Variants in WWOX observed in about 807,000 individuals in gnomAD.
WWOX encodes WW domain containing oxidoreductase.
WWOX carries 69 observed loss-of-function variants against 46.2 expected under a neutral mutation model. The ratio of observed to expected loss-of-function variants is 1.49; its 90% confidence interval spans 1.23 to 1.82. WWOX has a LOEUF of 1.82. Ranked by LOEUF, WWOX falls within the 40% of genes most tolerant of loss-of-function variation. The pLI is 0.00. For missense variants in WWOX, 919 were observed against 542.6 expected, an observed-to-expected ratio of 1.69 and a Z score of -6.89; for synonymous variants, 359 against 202.6, an observed-to-expected ratio of 1.77 and a Z score of -6.56.
chr16:79,175,789 T>C (rs541605071), intron 8 of WWOX, among the ~76,000 whole-genome samples: 1 of 152,180 alleles, frequency 6.6e-6, no homozygotes, highest in Non-Finnish European at 1.5e-5. Flanking sequence ...GCTCCAACTC[T>C]GTTTGGTCCC....
chr16:78,955,596 C>G (rs1488110719), intron 8 of WWOX, among the ~76,000 whole-genome samples: 2 of 151,910 alleles, frequency 1.3e-5, no homozygotes, highest in Non-Finnish European at 2.9e-5. Context: ...CCTCTTTTAA[C>G]TTTATTTTTT....
At chr16:78,214,692 C>A (rs961943457) in intron 5 of WWOX, among the ~76,000 whole-genome samples, 2 of 152,184 alleles carry the variant, frequency 1.3e-5, no homozygotes, top group African/African-American at 2.4e-5. Context: ...TCTTTGTAAC[C>A]TTAATGCCCA....
intron 5 of WWOX, among the ~76,000 whole-genome samples, chr16:78,197,086 T>G (rs1229255061): frequency 5.3e-5 from 8 of 152,202 alleles, no homozygotes; most frequent in African/African-American, 1.4e-4. Context: ...ACCAGACTCG[T>G]ATCAGCCACT....
intron 8 of WWOX, among the ~76,000 whole-genome samples, chr16:78,703,619 GTTTTTGTTTT>G (rs2048271731): frequency 6.6e-6 from 1 of 151,302 alleles, no homozygotes; most frequent in Non-Finnish European, 1.5e-5. Context: ...ATGCTGTTTT[GTTTTTGTTTT>G]TTTTTGTTTG....
At chr16:78,500,751 G>A (rs150193988) in intron 8 of WWOX, among the ~76,000 whole-genome samples, 5 of 152,142 alleles carry the variant, frequency 3.3e-5, no homozygotes, top group Non-Finnish European at 7.4e-5. Flanking sequence ...CATTTAATTC[G>A]AAAGCTTTTT....
chr16:78,961,301 T>C (rs1190713176), intron 8 of WWOX, among the ~76,000 whole-genome samples: 2 of 152,242 alleles, frequency 1.3e-5, no homozygotes, highest in African/African-American at 4.8e-5. Context: ...GATTATATAA[T>C]TGAACATGCC....
At chr16:78,728,627 C>G (rs540826094) in intron 8 of WWOX, among the ~76,000 whole-genome samples, 1 of 152,188 alleles carries the variant, frequency 6.6e-6, no homozygotes, top group African/African-American at 2.4e-5. Flanking sequence ...CCTCACAGAG[C>G]TTCTGGAAGG....
At chr16:78,457,776 C>T (rs948250669) in intron 8 of WWOX, among the ~76,000 whole-genome samples, 20 of 151,780 alleles carry the variant, frequency 1.3e-4, no homozygotes, top group Admixed American at 6.6e-4. Flanking sequence ...TATAGCTGGG[C>T]GTGGTGGCGG....
chr16:78,825,467 G>C (rs765736100), intron 8 of WWOX: 20 of 435,302 alleles, frequency 4.6e-5, no homozygotes, highest in African/African-American at 3.0e-4. Flanking sequence ...GGTGAGAACA[G>C]CCAGGGATTC....
At chr16:79,161,035 C>G (rs1272328604) in intron 8 of WWOX, among the ~76,000 whole-genome samples, 1 of 152,316 alleles carries the variant, frequency 6.6e-6, no homozygotes, top group Non-Finnish European at 1.5e-5. Context: ...ATTACTCTGA[C>G]TATGGCAACA....
chr16:79,112,304 C>G (rs1208975891), intron 8 of WWOX, among the ~76,000 whole-genome samples: 1 of 152,188 alleles, frequency 6.6e-6, no homozygotes, highest in East Asian at 1.9e-4. Context: ...ATGAGGCACT[C>G]AGATGTCAAG....
At chr16:78,452,549 C>T (rs772372859) in intron 8 of WWOX, among the ~76,000 whole-genome samples, 4 of 143,472 alleles carry the variant, frequency 2.8e-5, no homozygotes, top group Admixed American at 1.5e-4. Context: ...GATCTTGGCT[C>T]ATTGCAACCT....
chr16:78,299,419 G>T (rs1175040754), intron 5 of WWOX, among the ~76,000 whole-genome samples: 1 of 151,998 alleles, frequency 6.6e-6, no homozygotes, highest in Non-Finnish European at 1.5e-5. Flanking sequence ...GAGCCCAAAA[G>T]TACAAATCAA....
intron 8 of WWOX, among the ~76,000 whole-genome samples, chr16:78,664,900 C>G (rs1010393299): frequency 2.6e-5 from 4 of 152,200 alleles, no homozygotes; most frequent in Non-Finnish European, 4.4e-5. Flanking sequence ...TAGGCACTTA[C>G]AATGTGACTG....
intron 8 of WWOX, among the ~76,000 whole-genome samples, chr16:78,583,475 C>T (rs924902499): frequency 1.3e-5 from 2 of 152,172 alleles, no homozygotes; most frequent in Non-Finnish European, 2.9e-5. Context: ...AATTCTTTTT[C>T]TCTTTTCTCT....
At chr16:78,156,839 G>A (rs752522529) in intron 4 of WWOX, among the ~76,000 whole-genome samples, 4 of 152,164 alleles carry the variant, frequency 2.6e-5, no homozygotes, top group Admixed American at 1.3e-4. Flanking sequence ...CACGAGAATC[G>A]CTTGAATCCC....
At chr16:79,006,203 G>A (rs1343077372) in intron 8 of WWOX, among the ~76,000 whole-genome samples, 3 of 152,212 alleles carry the variant, frequency 2.0e-5, no homozygotes, top group Non-Finnish European at 4.4e-5. Flanking sequence ...CCTGCGGCAG[G>A]AAAGACTTCC....
intron 8 of WWOX, among the ~76,000 whole-genome samples, chr16:78,893,744 C>G (rs1175354685): frequency 6.6e-6 from 1 of 152,180 alleles, no homozygotes. Flanking sequence ...CAGAAAATGT[C>G]TGTCATACAT....
At chr16:78,621,838 C>G (rs1365025515) in intron 8 of WWOX, among the ~76,000 whole-genome samples, 2 of 151,970 alleles carry the variant, frequency 1.3e-5, no homozygotes, top group Non-Finnish European at 2.9e-5. Context: ...ATCTCCTGAC[C>G]TCATGATCTG....
Sources: allele counts gnomAD v4.1 joint callset (sites outside exome capture counted in the v4.1 genomes callset), GRCh38; gene constraint gnomAD v4.1.1; transcripts MANE v1.5; gene names NCBI Gene and HGNC (gene_info 2026-07-23, HGNC 2026-07-21).